The following ZNF385D variants were observed in gnomAD, a reference collection of about 807,000 sequenced individuals.
ZNF385D encodes zinc finger protein 659.
In ZNF385D, 15 loss-of-function variants were observed where a neutral mutation model predicts 35.8. The observed-to-expected ratio is 0.42, with a 90% CI of 0.28 to 0.64. The LOEUF (loss-of-function observed/expected upper bound fraction) is 0.64, where lower values mean the gene tolerates loss of function less well. Ranked by LOEUF, ZNF385D falls within the 30% of genes least tolerant of loss-of-function variation. The pLI is 0.23. For missense variants in ZNF385D, 474 were observed against 494.6 expected (o/e 0.96, Z 0.39); for synonymous variants, 212 against 186.8 (o/e 1.13, Z -1.10).
intron 2 of ZNF385D, among the ~76,000 whole-genome samples, chr3:21,620,597 C>A (rs567399674): frequency 2.4e-4 from 36 of 152,272 alleles, no homozygotes; most frequent in Non-Finnish European, 4.1e-4. Flanking sequence ...TCAGGTAGCA[C>A]TGAATGTCAG....
chr3:22,063,131 T>C (rs918421958), intron 3 of ZNF385D, among the ~76,000 whole-genome samples: 1 of 152,226 alleles, frequency 6.6e-6, no homozygotes, highest in East Asian at 1.9e-4. Flanking sequence ...AAAGAAGACA[T>C]TCCTGAATCA....
intron 3 of ZNF385D, among the ~76,000 whole-genome samples, chr3:22,025,497 T>C (rs1036440445): frequency 3.3e-5 from 5 of 152,134 alleles, no homozygotes; most frequent in African/African-American, 4.8e-5. Flanking sequence ...TTTAAGGGTA[T>C]GGAATAATGG....
intron 3 of ZNF385D, among the ~76,000 whole-genome samples, chr3:22,029,133 C>A (rs909394883): frequency 1.3e-5 from 2 of 152,174 alleles, no homozygotes; most frequent in African/African-American, 4.8e-5. Context: ...ACAACAATTC[C>A]ATTAAACTGG....
intron 3 of ZNF385D, among the ~76,000 whole-genome samples, chr3:21,904,315 A>AT (rs1225180329): frequency 6.6e-6 from 1 of 151,696 alleles, no homozygotes; most frequent in African/African-American, 2.4e-5. Flanking sequence ...AAAAAAAAAA[A>AT]AAAAAAAAGA....
At chr3:22,154,165 G>C (rs1005537462) in intron 3 of ZNF385D, among the ~76,000 whole-genome samples, 2 of 152,124 alleles carry the variant, frequency 1.3e-5, no homozygotes, top group African/African-American at 4.8e-5. Context: ...GTGGTTGTTT[G>C]GGTGCCCAGC....
intron 2 of ZNF385D, among the ~76,000 whole-genome samples, chr3:21,613,809 C>T (rs1481386507): frequency 6.6e-6 from 1 of 152,202 alleles, no homozygotes; most frequent in Non-Finnish European, 1.5e-5. Flanking sequence ...CAATTCCATG[C>T]ACATCATATC....
intron 2 of ZNF385D, among the ~76,000 whole-genome samples, chr3:22,192,512 G>A (rs1291370227): frequency 6.6e-6 from 1 of 152,054 alleles, no homozygotes; most frequent in Non-Finnish European, 1.5e-5. Context: ...GCCTTACACT[G>A]TTTGTCTTAG....
chr3:22,122,355 AT>A (rs1703135687), intron 3 of ZNF385D, among the ~76,000 whole-genome samples: 1 of 152,042 alleles, frequency 6.6e-6, no homozygotes, highest in Non-Finnish European at 1.5e-5. Flanking sequence ...TTGATTCTGG[AT>A]TTTATAGAAG....
intron 2 of ZNF385D, among the ~76,000 whole-genome samples, chr3:22,354,320 G>T (rs375581471): frequency 3.3e-5 from 5 of 152,014 alleles, no homozygotes; most frequent in East Asian, 1.9e-4. Context: ...ATACAGTAAG[G>T]ATTAGAGTTA....
intron 3 of ZNF385D, among the ~76,000 whole-genome samples, chr3:21,559,655 A>C (rs9968144): frequency 3.3e-5 from 5 of 151,846 alleles, no homozygotes; most frequent in African/African-American, 1.2e-4. Flanking sequence ...TGCTCTTCTC[A>C]AGGAGTATCT....
chr3:22,175,019 A>G (rs1322889348), intron 2 of ZNF385D, among the ~76,000 whole-genome samples: 1 of 152,084 alleles, frequency 6.6e-6, no homozygotes, highest in African/African-American at 2.4e-5. Context: ...AGTCTCTTAT[A>G]AAGAGTTCTT....
intron 3 of ZNF385D, among the ~76,000 whole-genome samples, chr3:21,561,131 G>C (rs932890562): frequency 6.6e-6 from 1 of 152,206 alleles, no homozygotes; most frequent in African/African-American, 2.4e-5. Flanking sequence ...TCTGACTTCA[G>C]CCCCTTTCCG....
At chr3:21,846,851 C>T (rs1391710936) in intron 3 of ZNF385D, among the ~76,000 whole-genome samples, 1 of 152,012 alleles carries the variant, frequency 6.6e-6, no homozygotes, top group Non-Finnish European at 1.5e-5. Flanking sequence ...CACTTGGAAC[C>T]TTGCTGACCA....
chr3:21,787,476 G>T (rs922063976), intron 3 of ZNF385D, among the ~76,000 whole-genome samples: 3 of 151,746 alleles, frequency 2.0e-5, no homozygotes, highest in African/African-American at 7.2e-5. Flanking sequence ...TTATCCAGAT[G>T]CTAATATCCA....
chr3:22,330,867 G>C (rs1329351940), intron 2 of ZNF385D, among the ~76,000 whole-genome samples: 1 of 152,176 alleles, frequency 6.6e-6, no homozygotes, highest in Non-Finnish European at 1.5e-5. Flanking sequence ...CCAAAATCTA[G>C]GCAACCTATC....
At chr3:21,761,765 T>C (rs2070620753) in intron 3 of ZNF385D, among the ~76,000 whole-genome samples, 1 of 152,118 alleles carries the variant, frequency 6.6e-6, no homozygotes, top group African/African-American at 2.4e-5. Context: ...TTCTTCCTTT[T>C]TTTTCTAGCT....
intron 3 of ZNF385D, among the ~76,000 whole-genome samples, chr3:22,059,220 T>G (rs1699568712): frequency 6.6e-6 from 1 of 152,054 alleles, no homozygotes; most frequent in Non-Finnish European, 1.5e-5. Context: ...TAAAGACTTC[T>G]CATTCAGTGA....
intron 2 of ZNF385D, among the ~76,000 whole-genome samples, chr3:21,662,666 C>T (rs779416855): frequency 1.6e-4 from 25 of 152,146 alleles, no homozygotes; most frequent in Non-Finnish European, 2.4e-4. Flanking sequence ...CTGGCTATAC[C>T]TTGACCATCA....
intron 3 of ZNF385D, among the ~76,000 whole-genome samples, chr3:21,766,488 G>C (rs1261454173): frequency 6.6e-6 from 1 of 152,098 alleles, no homozygotes; most frequent in African/African-American, 2.4e-5. Flanking sequence ...TGAGGAAAGA[G>C]TACGATCATG....
Sources: gnomAD v4.1 joint callset for allele counts (sites outside exome capture counted in the v4.1 genomes callset) on GRCh38, gnomAD v4.1.1 for gene constraint, MANE v1.5 for transcripts, NCBI Gene and HGNC (gene_info 2026-07-23, HGNC 2026-07-21) for gene names.